MGLL: variants seen among roughly 807,000 people sequenced by gnomAD.
MGLL encodes the protein lysophospholipase homolog.
In MGLL, 7 loss-of-function variants were observed where a neutral mutation model predicts 29.1. The observed-to-expected ratio is 0.24, with a 90% CI of 0.14 to 0.45. The LOEUF is 0.45. Among genes scored for constraint, MGLL ranks in the 20% least tolerant of loss-of-function variants. MGLL has a pLI of 0.99. For synonymous variants in MGLL, 148 were observed against 168.3 expected (o/e 0.88, Z 0.93); for missense variants, 356 against 413.6 (o/e 0.86, Z 1.21).
At chr3:127,731,480 C>G (rs1298586512) in intron 3 of MGLL, among the ~76,000 whole-genome samples, 2 of 151,996 alleles carry the variant, frequency 1.3e-5, no homozygotes, top group South Asian at 2.1e-4. Flanking sequence ...ACATCTCAGG[C>G]CTTGCTGATC....
intron 3 of MGLL, chr3:127,735,875 G>A: frequency 6.3e-7 from 1 of 1,580,470 alleles, no homozygotes; most frequent in African/African-American, 1.3e-5. Flanking sequence ...CACTTACAAG[G>A]ATTTTCTCCT....
chr3:127,814,922 A>G (rs180942514), intron 2 of MGLL, among the ~76,000 whole-genome samples: 42 of 152,390 alleles, frequency 2.8e-4, no homozygotes, highest in African/African-American at 9.4e-4. Context: ...AAAATGGACT[A>G]CTTAAAAGGT....
In MGLL at chr3:127,738,010, T is replaced by C. The variant is rs183679587; in HGVS notation, c.263-15444A>G. ...ATCTAAGTAAGAATAACGTAAGAAG[T>C]GCTCGTGTGGCTAGGCGCAGTGGCT... On this transcript the variant is annotated intron_variant, in intron 3 of 7. Coordinates refer to ENST00000265052, the MANE Select transcript of MGLL (RefSeq NM_007283.7). Among the ~76,000 whole-genome samples the C allele has an allele frequency of 2.6e-5, 4 of 152,200 alleles. No individual in the cohort carries two copies. In the East Asian group the frequency reaches 7.7e-4, roughly 29 times the overall value.
At chr3:127,793,718 C>T (rs1281974181) in intron 2 of MGLL, among the ~76,000 whole-genome samples, 18 of 152,152 alleles carry the variant, frequency 1.2e-4, no homozygotes, top group Admixed American at 1.0e-3. Flanking sequence ...CCTGCCACCA[C>T]GCCCAGCTAA....
chr3:127,769,984 GC>G (rs1343745532), intron 3 of MGLL, among the ~76,000 whole-genome samples: 1 of 152,202 alleles, frequency 6.6e-6, no homozygotes, highest in East Asian at 1.9e-4. Flanking sequence ...CCGCTCTGCT[GC>G]AACAGCAATA....
chr3:127,749,187 G>A (rs1023935974), intron 3 of MGLL, among the ~76,000 whole-genome samples: 9 of 152,196 alleles, frequency 5.9e-5, no homozygotes, highest in Non-Finnish European at 8.8e-5. Flanking sequence ...AGGGCCTGGC[G>A]TGCCGCAGAC....
intron 3 of MGLL, among the ~76,000 whole-genome samples, chr3:127,754,983 C>T (rs1394645081): frequency 2.0e-5 from 3 of 152,060 alleles, no homozygotes; most frequent in Non-Finnish European, 4.4e-5. Flanking sequence ...GTGGGAGGAA[C>T]GCGGGTTTCC....
At chr3:127,750,777 A>G (rs535285457) in intron 3 of MGLL, among the ~76,000 whole-genome samples, 4 of 152,294 alleles carry the variant, frequency 2.6e-5, no homozygotes, top group African/African-American at 9.6e-5. Flanking sequence ...GAGGGGAAAA[A>G]AATAAAGGCT....
At chr3:127,753,554 G>T (rs1297162492) in intron 3 of MGLL, among the ~76,000 whole-genome samples, 4 of 152,232 alleles carry the variant, frequency 2.6e-5, no homozygotes, top group Non-Finnish European at 4.4e-5. Context: ...CTGACGTGCT[G>T]GGCGCTTCTG....
At position 127,691,629 on chromosome 3, in the gene MGLL, C is replaced by T. The variant is rs1476838076; in HGVS notation, c.*569G>A. The T allele has an allele frequency of 6.2e-6, 1 of 160,118 alleles. No homozygotes were observed. The highest frequency in any genetic ancestry group is 1.4e-5 in the Non-Finnish European group (1 of 72,820). 9.9% of individuals were successfully genotyped at this position (160,118 alleles called of 1,614,324 possible). A position where few individuals can be genotyped will look rare whatever the true frequency, so the allele number is the denominator to read the frequency against. On this transcript the variant is annotated 3_prime_UTR_variant, in exon 8 of 8. Transcript: ENST00000265052. ...CCTGGTCTCAGGCTAACAAGGAGCC[C>T]ACAAAGTCATGGGTGGCTGCTCATT...
intron 5 of MGLL, among the ~76,000 whole-genome samples, chr3:127,718,551 C>G (rs1021646009): frequency 1.3e-5 from 2 of 152,138 alleles, no homozygotes; most frequent in Admixed American, 6.5e-5. Context: ...GGGGAAGGAG[C>G]ACCAAAAGGT....
At chr3:127,773,905 C>T (rs1296960984) in intron 3 of MGLL, among the ~76,000 whole-genome samples, 2 of 152,304 alleles carry the variant, frequency 1.3e-5, no homozygotes, top group African/African-American at 4.8e-5. Context: ...GTTGACACTG[C>T]CACACAGCAC....
intron 3 of MGLL, among the ~76,000 whole-genome samples, chr3:127,730,121 C>T (rs1212462953): frequency 5.9e-5 from 9 of 152,186 alleles, no homozygotes; most frequent in Non-Finnish European, 1.5e-5. Context: ...TTCAATTGGT[C>T]CCCAAGTCCT....
intron 3 of MGLL, among the ~76,000 whole-genome samples, chr3:127,756,195 T>G (rs1019274805): frequency 1.3e-5 from 2 of 152,236 alleles, no homozygotes; most frequent in African/African-American, 4.8e-5. Flanking sequence ...AGTTGGTTTC[T>G]TGATAAAATA....
Position 127,695,134 on chromosome 3 carries a change from G to A in MGLL, c.657C>T (p.Phe219=), listed in dbSNP as rs778169643. Residue 219 remains phenylalanine (F), a synonymous_variant, in exon 7 of 8, where the codon TTC becomes TTT. Transcript: ENST00000265052. The stretch of plus-strand genomic sequence containing the variant: ...AGACGGCATTCAGCAGTTGGATGCC[G>A]AAGCACACCTTCAGCCCTGCCCGGC... ...LICRAGLKVC[F]GIQLLNAVSR... The A allele has an allele frequency of 1.1e-5, 17 of 1,614,080 alleles. No homozygotes were observed. The highest frequency in any genetic ancestry group is 2.2e-5 in the East Asian group (1 of 44,896).
chr3:127,718,425 C>A (rs1202777413), intron 5 of MGLL, among the ~76,000 whole-genome samples: 1 of 152,182 alleles, frequency 6.6e-6, no homozygotes, highest in African/African-American at 2.4e-5. Context: ...AGGAGGTGGG[C>A]TCTAGGAATT....
intron 2 of MGLL, among the ~76,000 whole-genome samples, chr3:127,796,960 G>C (rs963201819): frequency 1.3e-5 from 2 of 152,050 alleles, no homozygotes; most frequent in East Asian, 1.9e-4. Flanking sequence ...ATTCCCCCGG[G>C]GCGACTGCCT....
chr3:127,699,503 C>A (rs538592925), intron 6 of MGLL, among the ~76,000 whole-genome samples: 1 of 152,148 alleles, frequency 6.6e-6, no homozygotes, highest in Non-Finnish European at 1.5e-5. Flanking sequence ...TCACAGGAAC[C>A]CTGTGATGTA....
At position 127,778,073 on chromosome 3, in the gene MGLL, C is replaced by T. The variant is rs112366460; in HGVS notation, c.262+3716G>A. Among the ~76,000 whole-genome samples, 65 of 152,320 alleles carry T rather than the reference C, an allele frequency of 4.3e-4. 1 individual carries two copies. The highest frequency in any genetic ancestry group is 1.1e-3 in the African/African-American group (47 of 41,564). On this transcript the variant is annotated intron_variant, in intron 3 of 7. Coordinates refer to ENST00000265052, the MANE Select transcript of MGLL (RefSeq NM_007283.7). ...AGACACAGCCAGACTGCCACAACCG[C>T]GGCGCCTAGAGGTTTCTGTCTGAAC...
Sources: allele counts gnomAD v4.1 joint callset (sites outside exome capture counted in the v4.1 genomes callset), GRCh38; gene constraint gnomAD v4.1.1; transcripts MANE v1.5; gene names NCBI Gene and HGNC (gene_info 2026-07-23, HGNC 2026-07-21).